APBA1: variants seen among roughly 807,000 people sequenced by gnomAD.
APBA1 encodes the protein amyloid-beta A4 precursor protein-binding family A member 1.
Under a neutral mutation model 86.6 loss-of-function variants are expected in APBA1, and 55 were observed. That is an observed-to-expected ratio of 0.64 (90% CI 0.51 to 0.80). The LOEUF (loss-of-function observed/expected upper bound fraction) is 0.80, where lower values mean the gene tolerates loss of function less well. Ranked by LOEUF, APBA1 falls within the 30% of genes least tolerant of loss-of-function variation. APBA1 has a pLI of 0.00. For missense variants in APBA1, 1,090 were observed against 1,183.0 expected, an observed-to-expected ratio of 0.92 and a Z score of 1.15; for synonymous variants, 511 against 493.9, an observed-to-expected ratio of 1.03 and a Z score of -0.46.
At chr9:69,576,761 A>T (rs937328696) in intron 1 of APBA1, among the ~76,000 whole-genome samples, 6 of 152,202 alleles carry the variant, frequency 3.9e-5, no homozygotes, top group Non-Finnish European at 7.3e-5. Flanking sequence ...ATGTTAAATG[A>T]TAAGTTAATG....
At chr9:69,503,578 T>G (rs1835910125) in intron 2 of APBA1, among the ~76,000 whole-genome samples, 1 of 152,168 alleles carries the variant, frequency 6.6e-6, no homozygotes, top group Admixed American at 6.5e-5. Flanking sequence ...ACAACGCATA[T>G]TATTATTGCA....
chr9:69,470,215 C>A (rs1301048229), intron 4 of APBA1, among the ~76,000 whole-genome samples: 1 of 152,106 alleles, frequency 6.6e-6, no homozygotes, highest in Non-Finnish European at 1.5e-5. Context: ...AATAAAAGCC[C>A]CAATTTCATA....
chr9:69,542,950 G>A (rs12350174), intron 1 of APBA1, among the ~76,000 whole-genome samples: 123 of 152,306 alleles, frequency 8.1e-4, no homozygotes, highest in African/African-American at 2.8e-3. Flanking sequence ...ACCAGTTCTC[G>A]TTTTCCTTGC....
rs533447110 is a variant in APBA1, at chr9:69,473,429, G to A, written c.1297-1734C>T. Among the ~76,000 whole-genome samples the A allele has an allele frequency of 4.6e-5, 7 of 152,260 alleles. No individual in the cohort carries two copies. In the East Asian group the frequency reaches 1.3e-3, roughly 29 times the overall value. On this transcript the variant is annotated intron_variant, in intron 3 of 12. Coordinates refer to ENST00000265381, the MANE Select transcript of APBA1 (RefSeq NM_001163.4). ...TTGTCCCAAGTAACTATAGCCTGGG[G>A]TAATGAGAGTTTGTTTAATCAGAAT...
intron 11 of APBA1, among the ~76,000 whole-genome samples, chr9:69,434,366 C>T (rs898723583): frequency 5.3e-5 from 8 of 152,044 alleles, no homozygotes; most frequent in African/African-American, 1.9e-4. Context: ...CCTCCTTCAT[C>T]CACTCATACT....
intron 2 of APBA1, among the ~76,000 whole-genome samples, chr9:69,492,725 T>C (rs1200685695): frequency 6.6e-6 from 1 of 152,118 alleles, no homozygotes; most frequent in Non-Finnish European, 1.5e-5. Context: ...GGCATACGTA[T>C]GCCTCTACTG....
intron 8 of APBA1, among the ~76,000 whole-genome samples, 173 bp from the exon 9 acceptor site, chr9:69,452,474 T>C (rs928635008): frequency 4.6e-5 from 7 of 152,208 alleles, no homozygotes; most frequent in African/African-American, 1.7e-4. Flanking sequence ...CAGGGGCAAT[T>C]TTCAGAAAGA....
chr9:69,436,742 C>G (rs1414861526), intron 11 of APBA1, among the ~76,000 whole-genome samples: 2 of 152,148 alleles, frequency 1.3e-5, no homozygotes, highest in African/African-American at 2.4e-5. Flanking sequence ...TTGACTTCCT[C>G]TTTTCCTAAT....
At chr9:69,668,316 A>G (rs942999371) in intron 1 of APBA1, among the ~76,000 whole-genome samples, 1 of 152,060 alleles carries the variant, frequency 6.6e-6, no homozygotes, top group African/African-American at 2.4e-5. Flanking sequence ...AAATGACCCA[A>G]CTGCTCTCTC....
At chr9:69,475,061 T>A (rs1221401345) in intron 3 of APBA1, among the ~76,000 whole-genome samples, 1 of 152,154 alleles carries the variant, frequency 6.6e-6, no homozygotes, top group East Asian at 1.9e-4. Flanking sequence ...CAGACCAACA[T>A]TTACCTGATG....
intron 10 of APBA1, among the ~76,000 whole-genome samples, chr9:69,447,993 G>A (rs1209732359): frequency 6.6e-6 from 1 of 152,098 alleles, no homozygotes; most frequent in African/African-American, 2.4e-5. Context: ...AGCGACTTGT[G>A]GTCCTGCCTC....
At chr9:69,569,448 AGTGTGTGTGTGTGTGTGTGT>A (rs71507121) in intron 1 of APBA1, among the ~76,000 whole-genome samples, 1 of 145,066 alleles carries the variant, frequency 6.9e-6, no homozygotes, top group Non-Finnish European at 1.5e-5. Flanking sequence ...GTCACGTGTG[AGTGTGTGTGTGTGTGTGTGT>A]GTGTGTGTGT....
In APBA1 at chr9:69,437,428, G is replaced by A. The variant is rs888874190; in HGVS notation, c.2301+3568C>T. 2.5e-4 allele frequency among the ~76,000 whole-genome samples: 34 copies of A among 135,022 alleles called. 1 individual carries two copies. The East Asian group carries it at 6.2e-3, about 25-fold the overall frequency. 88.6% of individuals were successfully genotyped at this position (135,022 alleles called of 152,430 possible). On this transcript the variant is annotated intron_variant, in intron 11 of 12. Coordinates refer to ENST00000265381, the MANE Select transcript of APBA1 (RefSeq NM_001163.4). ...GTCCTGGACTCTTTTTGGTTGGTAA[G>A]CTATTAATTATTGGCTCAATTTCAG... is the stretch of plus-strand genomic sequence containing the variant.
chr9:69,605,357 C>T (rs73647263), intron 1 of APBA1, among the ~76,000 whole-genome samples: 13,411 of 152,102 alleles, frequency 0.088, 942 homozygotes, highest in African/African-American at 0.19. Context: ...AGCTCTTATA[C>T]AGCTATAAAA....
intron 1 of APBA1, among the ~76,000 whole-genome samples, chr9:69,599,148 G>T (rs1822296602): frequency 6.6e-6 from 1 of 152,198 alleles, no homozygotes; most frequent in African/African-American, 2.4e-5. Context: ...AGATAGTGCA[G>T]ATGGCTGCAC....
chr9:69,524,630 A>G (rs1320205103), intron 1 of APBA1, among the ~76,000 whole-genome samples: 1 of 152,026 alleles, frequency 6.6e-6, no homozygotes, highest in African/African-American at 2.4e-5. Flanking sequence ...CCTGTAACAG[A>G]TGGATTCACA....
chr9:69,525,453 C>A (rs1013548953), intron 1 of APBA1, among the ~76,000 whole-genome samples: 1 of 151,998 alleles, frequency 6.6e-6, no homozygotes, highest in African/African-American at 2.4e-5. Flanking sequence ...AACCTGAGAG[C>A]CAAATCAATA....
intron 1 of APBA1, among the ~76,000 whole-genome samples, chr9:69,578,529 G>A (rs1219996931): frequency 1.3e-5 from 2 of 152,104 alleles, no homozygotes; most frequent in African/African-American, 4.8e-5. Context: ...TGGCAATCTG[G>A]TTGCCACTTA....
intron 1 of APBA1, among the ~76,000 whole-genome samples, chr9:69,530,934 T>C (rs1448626666): frequency 1.3e-5 from 2 of 152,218 alleles, no homozygotes; most frequent in Non-Finnish European, 2.9e-5. Flanking sequence ...TTCTGGATCA[T>C]CACAGTCCAG....
Sources: gnomAD v4.1 joint callset for allele counts (sites outside exome capture counted in the v4.1 genomes callset) on GRCh38, gnomAD v4.1.1 for gene constraint, MANE v1.5 for transcripts, NCBI Gene and HGNC (gene_info 2026-07-23, HGNC 2026-07-21) for gene names.